The following KCNJ3 variants were observed in gnomAD, a reference collection of about 807,000 sequenced individuals.
The protein encoded by KCNJ3 is G protein-activated inward rectifier potassium channel 1.
A neutral mutation model predicts 39.2 loss-of-function variants in KCNJ3; 4 were observed. The observed-to-expected ratio is 0.10, with a 90% CI of 0.05 to 0.23. The LOEUF (loss-of-function observed/expected upper bound fraction) is 0.23. Ranked by LOEUF, KCNJ3 falls within the 10% of genes least tolerant of loss-of-function variation. The pLI is 1.00. For missense variants in KCNJ3, 276 were observed against 634.9 expected (o/e 0.43, Z 6.08); for synonymous variants, 230 against 237.4 (o/e 0.97, Z 0.29).
At chr2:154,819,623 C>T (rs567347729) in intron 2 of KCNJ3, among the ~76,000 whole-genome samples, 4 of 152,012 alleles carry the variant, frequency 2.6e-5, no homozygotes, top group African/African-American at 4.8e-5. Context: ...CTCTGCCTCC[C>T]GGGTTCAAGC....
At chr2:154,734,653 C>T (rs1302453782) in intron 2 of KCNJ3, among the ~76,000 whole-genome samples, 1 of 152,044 alleles carries the variant, frequency 6.6e-6, no homozygotes, top group African/African-American at 2.4e-5. Flanking sequence ...AATTCTCATG[C>T]CTACTGTTCT....
chr2:154,818,794 TG>T (rs1385106723), intron 2 of KCNJ3, among the ~76,000 whole-genome samples: 1 of 152,176 alleles, frequency 6.6e-6, no homozygotes, highest in Non-Finnish European at 1.5e-5. Context: ...TCAAAACATC[TG>T]AAAAGCTTCA....
At chr2:154,819,032 G>A (rs182588063) in intron 2 of KCNJ3, among the ~76,000 whole-genome samples, 3 of 147,748 alleles carry the variant, frequency 2.0e-5, no homozygotes, top group South Asian at 2.1e-4. Context: ...GGCAAGGCCA[G>A]AGTGTGTCTA....
intron 2 of KCNJ3, among the ~76,000 whole-genome samples, chr2:154,843,447 G>A (rs2937615): frequency 2.0e-5 from 3 of 152,036 alleles, no homozygotes; most frequent in Admixed American, 6.6e-5. Context: ...GTATCTTTGT[G>A]GTGTTCTCTG....
chr2:154,766,032 AT>A (rs1370603480), intron 2 of KCNJ3, among the ~76,000 whole-genome samples: 2 of 152,220 alleles, frequency 1.3e-5, no homozygotes, highest in African/African-American at 4.8e-5. Context: ...ATGAAATGAA[AT>A]GCTATTTTTC....
At chr2:154,809,481 AT>A (rs1290708858) in intron 2 of KCNJ3, among the ~76,000 whole-genome samples, 1 of 152,202 alleles carries the variant, frequency 6.6e-6, no homozygotes, top group African/African-American at 2.4e-5. Context: ...GGTAAAGTGA[AT>A]TGTCTATAAA....
At chr2:154,713,927 A>G (rs1685141866) in intron 2 of KCNJ3, among the ~76,000 whole-genome samples, 1 of 151,986 alleles carries the variant, frequency 6.6e-6, no homozygotes, top group African/African-American at 2.4e-5. Context: ...CTCTCTTTCT[A>G]CACTCCCAGT....
chr2:154,723,437 A>G (rs1685297500), intron 2 of KCNJ3, among the ~76,000 whole-genome samples: 1 of 152,194 alleles, frequency 6.6e-6, no homozygotes, highest in East Asian at 1.9e-4. Context: ...TGGATAGCTG[A>G]GAGAGCCAGA....
chr2:154,773,745 AATTG>A (rs1268816713), intron 2 of KCNJ3, among the ~76,000 whole-genome samples: 10 of 152,238 alleles, frequency 6.6e-5, no homozygotes, highest in African/African-American at 1.9e-4. Flanking sequence ...AGGGTTATTA[AATTG>A]ATTGAATGTC....
chr2:154,827,040 C>T (rs1304391579), intron 2 of KCNJ3, among the ~76,000 whole-genome samples: 1 of 152,120 alleles, frequency 6.6e-6, no homozygotes, highest in Non-Finnish European at 1.5e-5. Context: ...AGCTGAGCGT[C>T]CAAGATCCTT....
chr2:154,855,510 T>C lies in KCNJ3; in HGVS notation c.*197T>C. 1.9e-6 allele frequency: 1 copy of C among 518,610 alleles called. No homozygotes were observed. The highest frequency in any genetic ancestry group is 3.4e-6 in the Non-Finnish European group (1 of 293,802). 32.1% of individuals were successfully genotyped at this position (518,610 alleles called of 1,614,324 possible). A position where few individuals can be genotyped will look rare whatever the true frequency, so the allele number is the denominator to read the frequency against. On this transcript the variant is annotated 3_prime_UTR_variant, in exon 3 of 3. Coordinates refer to ENST00000295101, the MANE Select transcript of KCNJ3 (RefSeq NM_002239.4). ...ACGGAGGGAGGACATCATAAGGAAG[T>C]TATTAACGGGCATGTATTATCACAT...
chr2:154,802,893 A>G (rs978435538), intron 2 of KCNJ3, among the ~76,000 whole-genome samples: 3 of 152,014 alleles, frequency 2.0e-5, no homozygotes, highest in Admixed American at 6.6e-5. Context: ...AATTGCCTGT[A>G]TGGATTGAGT....
At chr2:154,821,635 ATTTTTTTTTTT>A (rs71422263) in intron 2 of KCNJ3, among the ~76,000 whole-genome samples, 6 of 88,074 alleles carry the variant, frequency 6.8e-5, no homozygotes, top group African/African-American at 8.5e-5. Flanking sequence ...AGAATATGTG[ATTTTTTTTTTT>A]TTTTTTTTTT....
At chr2:154,716,333 G>A (rs1373763105) in intron 2 of KCNJ3, among the ~76,000 whole-genome samples, 1 of 137,552 alleles carries the variant, frequency 7.3e-6, no homozygotes, top group African/African-American at 2.8e-5. Flanking sequence ...CACCGTGTTC[G>A]CCAGGATGGT....
chr2:154,708,474 T>C (rs1685049849), intron 1 of KCNJ3, among the ~76,000 whole-genome samples: 2 of 152,184 alleles, frequency 1.3e-5, no homozygotes, highest in African/African-American at 4.8e-5. Flanking sequence ...GATTGTTTTG[T>C]TATTACATTT....
intron 2 of KCNJ3, among the ~76,000 whole-genome samples, chr2:154,845,100 A>ATTTATTCTATTTT (rs1335463104): frequency 6.6e-6 from 1 of 152,192 alleles, no homozygotes; most frequent in East Asian, 1.9e-4. Flanking sequence ...TAAGCTAGAA[A>ATTTATTCTATTTT]TTTATTCTAT....
At chr2:154,712,825 G>A (rs1372016865) in intron 2 of KCNJ3, among the ~76,000 whole-genome samples, 1 of 152,078 alleles carries the variant, frequency 6.6e-6, no homozygotes, top group East Asian at 1.9e-4. Flanking sequence ...ACGGGATAGG[G>A]ATAAAGGGTT....
chr2:154,727,591 CAAA>C (rs546038652), intron 2 of KCNJ3, among the ~76,000 whole-genome samples: 5 of 91,364 alleles, frequency 5.5e-5, no homozygotes, highest in Non-Finnish European at 4.5e-5. Flanking sequence ...GAAACTCCGT[CAAA>C]AAAAAAAAAA....
At chr2:154,709,299 G>A (rs1685064549) in intron 1 of KCNJ3, 2 of 404,602 alleles carry the variant, frequency 4.9e-6, no homozygotes, top group Non-Finnish European at 9.1e-6. Context: ...AGCAGCACAT[G>A]CACACTCAGT....
Sources: gnomAD v4.1 joint callset for allele counts (sites outside exome capture counted in the v4.1 genomes callset) on GRCh38, gnomAD v4.1.1 for gene constraint, MANE v1.5 for transcripts, NCBI Gene and HGNC (gene_info 2026-07-23, HGNC 2026-07-21) for gene names.